VIRMA: variants seen among roughly 807,000 people sequenced by gnomAD.
The protein encoded by VIRMA is vir like m6A methyltransferase associated, also known as protein virilizer homolog.
A neutral mutation model predicts 182.4 loss-of-function variants in VIRMA; 65 were observed. The ratio of observed to expected loss-of-function variants is 0.36; its 90% CI spans 0.29 to 0.44. The LOEUF (loss-of-function observed/expected upper bound fraction) is 0.44. VIRMA is among the 20% of genes least tolerant of loss of function. The pLI is 1.00. For synonymous variants in VIRMA, 709 were observed against 743.1 expected (o/e 0.95, Z 0.75); for missense variants, 1,752 against 2,158.1 (o/e 0.81, Z 3.73).
rs543174837 is a variant in VIRMA, at chr8:94,511,014, A to G, written c.3390+171T>C. The G allele has an allele frequency of 6.3e-4, 885 of 1,409,704 alleles. 11 individuals carry two copies. In the South Asian group the frequency reaches 0.014, roughly 22 times the overall value. 87.3% of individuals were successfully genotyped at this position (1,409,704 alleles called of 1,614,324 possible). On this transcript the variant is annotated intron_variant, in intron 13 of 23. Coordinates refer to ENST00000297591, the MANE Select transcript of VIRMA (RefSeq NM_015496.5). ...AAAATTTATTTAAAATGTTACCCCC[A>G]TATTTCCTCAATGACCAACTTGTTT...
At position 94,510,475 on chromosome 8, in the gene VIRMA, G is replaced by A. The variant is rs550456989; in HGVS notation, c.3568C>T (p.Pro1190Ser). 4.3e-6 allele frequency: 7 copies of A among 1,614,106 alleles called. No individual in the cohort carries two copies. In the East Asian group the frequency reaches 1.1e-4, roughly 26 times the overall value. Residue 1190 changes from proline (P) to serine (S), a missense_variant, in exon 14 of 24, where the codon CCA becomes TCA. Pro to Ser is a moderately conservative substitution (Grantham distance 74). This residue lies in a region of VIRMA where 777 missense variants were observed against 920.6 expected (regional missense o/e 0.84). Transcript: ENST00000297591. ...GTTCTCATAATCAGAAGTGCAGTTG[G>A]TGAGGCAAGGTCACACAATTGAACA... ...ICVQLCDLAS[P>S]TALLIMRTVL...
chr8:94,509,662 A>G (rs1814292783), intron 15 of VIRMA, 26 bp downstream of exon 15: 1 of 1,591,732 alleles, frequency 6.3e-7, no homozygotes, highest in African/African-American at 1.4e-5. Context: ...ATGCAGAGAG[A>G]GACTTTATAA....
At chr8:94,531,731 C>CA (rs1382671145) in intron 5 of VIRMA, among the ~76,000 whole-genome samples, 1 of 151,834 alleles carries the variant, frequency 6.6e-6, no homozygotes, top group Non-Finnish European at 1.5e-5. Context: ...GTTTTCATGC[C>CA]AAAAAAATAA....
At chr8:94,491,943 T>TC in intron 21 of VIRMA, 34 bp from the exon 22 acceptor site, 1 of 1,467,626 alleles carries the variant, frequency 6.8e-7, no homozygotes, top group Admixed American at 2.3e-5. Flanking sequence ...AAAACATTTT[T>TC]CTTTCAGGTT....
At chr8:94,504,344 T>C (rs1173597133) in intron 16 of VIRMA, among the ~76,000 whole-genome samples, 3 of 152,150 alleles carry the variant, frequency 2.0e-5, no homozygotes, top group Non-Finnish European at 2.9e-5. Flanking sequence ...TTGCTCACTC[T>C]GAGGGCTCTC....
At position 94,529,185 on chromosome 8, in the gene VIRMA, C is replaced by T. The variant is rs763851270; in HGVS notation, c.765G>A (p.Val255=). The stretch of plus-strand genomic sequence containing the variant: ...CCTCATCCTCTTCTTCCTCTACATC[C>T]ACATCATCTTCATCTTCTTCTCCTT... ...QEEGEEDEDD[V]DVEEEEDEDE... The change falls in exon 7 of 24, where the codon GTG becomes GTA. Residue 255 remains valine (V), a synonymous_variant. Transcript: ENST00000297591. The T allele has an allele frequency of 2.1e-6, 3 of 1,438,558 alleles. No individual in the cohort carries two copies. The Admixed American group carries it at 5.0e-5, about 24-fold the overall frequency. 89.1% of individuals were successfully genotyped at this position (1,438,558 alleles called of 1,614,324 possible). A position where few individuals can be genotyped will look rare whatever the true frequency, so the allele number is the denominator to read the frequency against.
chr8:94,523,307 T>C (rs1029115096), intron 8 of VIRMA, among the ~76,000 whole-genome samples: 1 of 152,182 alleles, frequency 6.6e-6, no homozygotes, highest in Non-Finnish European at 1.5e-5. Flanking sequence ...ATTCCCAGCC[T>C]ACAAATATGC....
In VIRMA at chr8:94,526,630, T is replaced by C; in HGVS notation, c.1614A>G (p.Ile538Met). ...KSGYQKLLELILLDQTVRVVT... is the reference protein window; with the variant it reads ...KSGYQKLLELMLLDQTVRVVT... The stretch of plus-strand genomic sequence containing the variant: ...CAACCCTCACAGTCTGATCTAAAAG[T>C]ATGAGTTCCAGAAGCTTTTGATAAC... Residue 538 changes from isoleucine to methionine, a missense_variant, in exon 8 of 24, where the codon ATA becomes ATG. By Grantham distance (10) the Ile-to-Met change is conservative (BLOSUM62 1). This residue lies in a region of VIRMA where 401 missense variants were observed against 455.1 expected (regional missense o/e 0.88). Transcript: ENST00000297591. 6.2e-7 allele frequency: 1 copy of C among 1,614,164 alleles called. No homozygotes were observed. The highest frequency in any genetic ancestry group is 8.5e-7 in the Non-Finnish European group (1 of 1,180,026).
chr8:94,510,355 G>T lies in VIRMA; in HGVS notation c.3626+62C>A, dbSNP rs1310253091. ...CAAACCCTAGTTTCCAAATTGTAAG[G>T]GAAAAAATATATGTGTCAAAAATAA... On this transcript the variant is annotated intron_variant, in intron 14 of 23. Coordinates refer to ENST00000297591, the MANE Select transcript of VIRMA (RefSeq NM_015496.5). 5 of 1,362,572 alleles carry T rather than the reference G, an allele frequency of 3.7e-6. No individual in the cohort carries two copies. The East Asian group carries it at 1.2e-4, about 34-fold the overall frequency. The allele number at this position is 1,362,572 out of a possible 1,614,324, so 84.4% of individuals were successfully genotyped here.
chr8:94,529,371 T>G (rs144584407), intron 6 of VIRMA, 29 bp from the exon 7 acceptor site: 1 of 1,325,516 alleles, frequency 7.5e-7, no homozygotes, highest in African/African-American at 1.4e-5. Context: ...AGGCACAGAC[T>G]ATTTTAATGG....
At chr8:94,552,334 T>A (rs1301647770) in intron 1 of VIRMA, among the ~76,000 whole-genome samples, 2 of 151,546 alleles carry the variant, frequency 1.3e-5, no homozygotes, top group Non-Finnish European at 2.9e-5. Flanking sequence ...TACTATCTCA[T>A]AAAAGAAAGA....
intron 1 of VIRMA, chr8:94,546,941 T>C (rs1157982112): frequency 4.4e-6 from 2 of 455,570 alleles, no homozygotes; most frequent in South Asian, 3.1e-5. Context: ...TAGCTTACCA[T>C]GCTTTTCTCA....
intron 1 of VIRMA, among the ~76,000 whole-genome samples, chr8:94,545,782 C>T (rs571429473): frequency 4.6e-5 from 7 of 152,210 alleles, no homozygotes; most frequent in African/African-American, 1.4e-4. Flanking sequence ...AGGCTGGGAG[C>T]CATGGCTCAC....
intron 1 of VIRMA, among the ~76,000 whole-genome samples, chr8:94,552,644 C>A (rs1203901293): frequency 6.6e-6 from 1 of 151,950 alleles, no homozygotes; most frequent in East Asian, 1.9e-4. Context: ...TTTAGTTAAC[C>A]AGCTATGTTT....
Position 94,517,802 on chromosome 8 carries a change from T to C in VIRMA, c.2654A>G (p.Asn885Ser), listed in dbSNP as rs1367664818. 1.9e-6 allele frequency: 3 copies of C among 1,604,548 alleles called. No individual in the cohort carries two copies. Among genetic ancestry groups the C allele is most frequent in the Non-Finnish European group, 8.5e-7 (1 of 1,174,396 alleles). ...LLKLCKADEN[N>S]AKLQELGKWL... ...AAGTACCATACCTTGCAATTTAGCATTATTTTCATCTGCTTTACAAAGCTT... is the reference window on the plus strand; with the variant it reads ...AAGTACCATACCTTGCAATTTAGCACTATTTTCATCTGCTTTACAAAGCTT... The change falls in exon 10 of 24, where the codon AAT (asparagine) becomes AGT (serine). Residue 885 changes from asparagine (N) to serine (S), a missense_variant. Around this residue, in one of 11 missense-constraint regions of VIRMA, gnomAD observed 777 missense variants for 920.6 expected, o/e 0.84. Transcript: ENST00000297591.
intron 2 of VIRMA, among the ~76,000 whole-genome samples, chr8:94,542,415 T>C (rs1389781871): frequency 1.3e-5 from 2 of 152,172 alleles, no homozygotes; most frequent in Non-Finnish European, 2.9e-5. Context: ...CCCCAGTGTA[T>C]ATCTTGACTA....
chr8:94,534,997 T>A lies in VIRMA; in HGVS notation c.326A>T (p.Asp109Val). ...IFRPNSKVNTDGLVLRGWYNC... is the reference protein window; with the variant it reads ...IFRPNSKVNTVGLVLRGWYNC... ...ATACCAGCCTCTTAGCACCAGACCATCAGTATTCACCTGATTTTCAGGGAG... is the reference window on the plus strand; with the variant it reads ...ATACCAGCCTCTTAGCACCAGACCAACAGTATTCACCTGATTTTCAGGGAG... Residue 109 changes from aspartate to valine, a missense_variant, in exon 5 of 24, where the codon GAT (aspartate) becomes GTT (valine). This residue lies in a region of VIRMA where 195 missense variants were observed against 191.7 expected (regional missense o/e 1.02). Transcript: ENST00000297591. 6.3e-7 allele frequency: 1 copy of A among 1,597,692 alleles called. No homozygotes were observed. The highest frequency in any genetic ancestry group is 8.5e-7 in the Non-Finnish European group (1 of 1,175,526).
chr8:94,517,813 T>C lies in VIRMA; in HGVS notation c.2643A>G (p.Ala881=), dbSNP rs774954798. Residue 881 remains alanine, a synonymous_variant, in exon 10 of 24, where the codon GCA becomes GCG. Coordinates refer to ENST00000297591, the MANE Select transcript of VIRMA (RefSeq NM_015496.5). ...HAASLLKLCK[A]DENNAKLQEL... Reference sequence around the variant, plus strand: ...CTTGCAATTTAGCATTATTTTCATCTGCTTTACAAAGCTTCAAGAGAGATG... The same window carrying C: ...CTTGCAATTTAGCATTATTTTCATCCGCTTTACAAAGCTTCAAGAGAGATG... 2 of 1,608,830 alleles carry C rather than the reference T, an allele frequency of 1.2e-6. No homozygotes were observed. The highest frequency in any genetic ancestry group is 2.2e-5 in the South Asian group (2 of 90,268).
Position 94,526,955 on chromosome 8 carries a change from T to C in VIRMA, c.1289A>G (p.Gln430Arg). The C allele has an allele frequency of 1.2e-6, 2 of 1,614,244 alleles. No individual in the cohort carries two copies. The highest frequency in any genetic ancestry group is 1.1e-5 in the South Asian group (1 of 91,088). ...AGCTTGCATGGTCCAGTCTACCAACTGGCCAAGGGAGTCTTGTTTTGTGTT... is the reference window on the plus strand; with the variant it reads ...AGCTTGCATGGTCCAGTCTACCAACCGGCCAAGGGAGTCTTGTTTTGTGTT... ...LKNTKQDSLG[Q>R]LVDWTMQALN... Residue 430 changes from glutamine to arginine, a missense_variant, in exon 8 of 24, where the codon CAG (glutamine) becomes CGG (arginine). Physicochemically the swap from Gln to Arg is conservative, Grantham distance 43 (BLOSUM62 1). This residue lies in a region of VIRMA where 401 missense variants were observed against 455.1 expected (regional missense o/e 0.88). Coordinates refer to ENST00000297591, the MANE Select transcript of VIRMA (RefSeq NM_015496.5).
Sources: allele counts gnomAD v4.1 joint callset (sites outside exome capture counted in the v4.1 genomes callset), GRCh38; gene constraint gnomAD v4.1.1; regional missense constraint gnomAD v4.1.1; transcripts MANE v1.5; gene names NCBI Gene and HGNC (gene_info 2026-07-23, HGNC 2026-07-21).